Variants in AGAP1 observed in about 807,000 individuals in gnomAD.
AGAP1 encodes ArfGAP with GTPase domain, ankyrin repeat and PH domain 1, also known as arf-GAP with GTPase, ANK repeat and PH domain-containing protein 1.
AGAP1 carries 29 observed loss-of-function variants against 105.3 expected under a neutral mutation model. The ratio of observed to expected loss-of-function variants is 0.28; its 90% CI spans 0.21 to 0.38. AGAP1 has a LOEUF of 0.38. AGAP1 is among the 10% of genes least tolerant of loss of function. The probability of loss-of-function intolerance (pLI) is 1.00; values close to 1 mark genes in which losing one functional copy is unlikely to be tolerated. For synonymous variants in AGAP1, 509 were observed against 485.9 expected (o/e 1.05, Z -0.63); for missense variants, 998 against 1,165.1 (o/e 0.86, Z 2.09).
At chr2:235,840,261 C>G (rs140144874) in intron 9 of AGAP1, among the ~76,000 whole-genome samples, 1 of 149,376 alleles carries the variant, frequency 6.7e-6, no homozygotes, top group Admixed American at 6.7e-5. Context: ...CAGCCGCTGT[C>G]CATTCTGATG....
chr2:236,010,279 A>G (rs1576048483), intron 13 of AGAP1, among the ~76,000 whole-genome samples: 1 of 152,186 alleles, frequency 6.6e-6, no homozygotes, highest in Admixed American at 6.5e-5. Flanking sequence ...AAATGATTCC[A>G]GCTACTCTAA....
intron 1 of AGAP1, among the ~76,000 whole-genome samples, chr2:235,513,525 A>G (rs1192401631): frequency 8.0e-4 from 15 of 18,670 alleles, no homozygotes; most frequent in Admixed American, 2.2e-3. Context: ...CGTCTCAGAA[A>G]AAAAAAAAAA....
intron 9 of AGAP1, among the ~76,000 whole-genome samples, chr2:235,832,909 T>A (rs1033965733): frequency 2.6e-5 from 4 of 152,212 alleles, no homozygotes; most frequent in South Asian, 2.1e-4. Flanking sequence ...CCCTGCTTCA[T>A]GAGTGTACAA....
intron 16 of AGAP1, among the ~76,000 whole-genome samples, chr2:236,069,794 C>A (rs2058450511): frequency 6.6e-6 from 1 of 152,196 alleles, no homozygotes; most frequent in Non-Finnish European, 1.5e-5. Context: ...ATATTGTGTA[C>A]CCCAAATTGT....
At position 235,635,706 on chromosome 2, in the gene AGAP1, C is replaced by A. The variant is rs527448692; in HGVS notation, c.164-73473C>A. Among the ~76,000 whole-genome samples the A allele has an allele frequency of 4.6e-5, 7 of 152,174 alleles. No homozygotes were observed. Among genetic ancestry groups the A allele is most frequent in the African/African-American group, 1.7e-4 (7 of 41,538 alleles). On this transcript the variant is annotated intron_variant, in intron 1 of 17. Transcript: ENST00000304032. This position sits in a 1 kb window ranked among gnomAD's most constrained non-coding sequence, Gnocchi z 5.3. ...TGCACTGATGCTGTGCTATGAGGAG[C>A]CACGTTGCCCGGAAGTCTGATGCGT...
intron 9 of AGAP1, among the ~76,000 whole-genome samples, chr2:235,840,878 T>G (rs1485044758): frequency 6.6e-6 from 1 of 151,134 alleles, no homozygotes; most frequent in African/African-American, 2.4e-5. Context: ...AGGAATTTGG[T>G]GCAATGAGAG....
chr2:235,779,504 G>C (rs1244599851), intron 6 of AGAP1, among the ~76,000 whole-genome samples: 2 of 152,216 alleles, frequency 1.3e-5, no homozygotes, highest in Non-Finnish European at 2.9e-5. Context: ...GAATTTGTCA[G>C]AGCTCAGCTC....
chr2:236,102,950 C>T (rs2059395191), intron 16 of AGAP1, among the ~76,000 whole-genome samples: 1 of 152,098 alleles, frequency 6.6e-6, no homozygotes, highest in African/African-American at 2.4e-5. Flanking sequence ...TCTCCCACCG[C>T]AAGCCCCCGC....
chr2:235,987,087 T>C (rs2055342756), intron 13 of AGAP1, among the ~76,000 whole-genome samples: 1 of 151,690 alleles, frequency 6.6e-6, no homozygotes. Flanking sequence ...CAGCTGTGAA[T>C]CTGGTCCTGG....
chr2:235,880,197 A>G (rs560487044), intron 9 of AGAP1, among the ~76,000 whole-genome samples: 2 of 151,544 alleles, frequency 1.3e-5, no homozygotes, highest in South Asian at 4.2e-4. Flanking sequence ...TTTTTCCTTA[A>G]CAAATAAGTC....
At chr2:235,501,120 A>G (rs1941543603) in intron 1 of AGAP1, among the ~76,000 whole-genome samples, 1 of 152,130 alleles carries the variant, frequency 6.6e-6, no homozygotes, top group African/African-American at 2.4e-5. Context: ...AACCCCGAAC[A>G]TACATTCAGG....
chr2:235,813,951 A>T (rs1049371342), intron 9 of AGAP1, among the ~76,000 whole-genome samples: 1 of 152,016 alleles, frequency 6.6e-6, no homozygotes, highest in African/African-American at 2.4e-5. Flanking sequence ...CTCTCCTCCT[A>T]CCGCCCCCGG....
chr2:235,902,296 C>G (rs142190207), intron 10 of AGAP1, among the ~76,000 whole-genome samples: 67 of 152,290 alleles, frequency 4.4e-4, no homozygotes, highest in African/African-American at 1.6e-3. Flanking sequence ...CACCAAAACT[C>G]AACATGTGAT....
chr2:235,814,595 G>A (rs1489998984), intron 9 of AGAP1, among the ~76,000 whole-genome samples: 1 of 152,196 alleles, frequency 6.6e-6, no homozygotes, highest in Non-Finnish European at 1.5e-5. Flanking sequence ...CAGCTCAGGT[G>A]TGTACTGACG....
In AGAP1 at chr2:235,612,217, G is replaced by T. The variant is rs978492208; in HGVS notation, c.164-96962G>T. Among the ~76,000 whole-genome samples the T allele has an allele frequency of 6.6e-6, 1 of 152,154 alleles. No homozygotes were observed. Among genetic ancestry groups the T allele is most frequent in the Non-Finnish European group, 1.5e-5 (1 of 68,044 alleles). On this transcript the variant is annotated intron_variant, in intron 1 of 17. Coordinates refer to ENST00000304032, the MANE Select transcript of AGAP1 (RefSeq NM_001037131.3). The surrounding 1 kb of genome is among the most constrained non-coding windows in gnomAD (Gnocchi z 4.3). ...GCTTGGGTGTACGCTGGGCGGGTTC[G>T]CAGTGCTGGAAGAGAGAGTGGACAG...
rs1945527394 is a variant in AGAP1 at position 235,596,421 on chromosome 2, G to A, written c.163+101572G>A. ...AGACTTACTCCAGCTGCTTAACTCCGGTGTGCCTGGAGTCACCTTGGGACC... is the reference window on the plus strand; with the variant it reads ...AGACTTACTCCAGCTGCTTAACTCCAGTGTGCCTGGAGTCACCTTGGGACC... On this transcript the variant is annotated intron_variant, in intron 1 of 17. Transcript: ENST00000304032. The surrounding 1 kb of genome is among the most constrained non-coding windows in gnomAD (Gnocchi z 5.9). Among the ~76,000 whole-genome samples, 1 of 152,136 alleles carries A rather than the reference G, an allele frequency of 6.6e-6. No homozygotes were observed.
chr2:235,686,630 T>TAG (rs1949424115), intron 1 of AGAP1, among the ~76,000 whole-genome samples: 3 of 48,406 alleles, frequency 6.2e-5, no homozygotes, highest in South Asian at 1.3e-3. Context: ...GATATATATA[T>TAG]ATATATATAT....
intron 1 of AGAP1, among the ~76,000 whole-genome samples, chr2:235,679,904 CG>C (rs1458658280): frequency 6.6e-6 from 1 of 152,164 alleles, no homozygotes; most frequent in East Asian, 1.9e-4. Flanking sequence ...TGGTGAATTC[CG>C]TATTTTCAAA....
intron 9 of AGAP1, chr2:235,853,083 T>G: frequency 8.1e-7 from 1 of 1,233,372 alleles, no homozygotes; most frequent in Non-Finnish European, 1.0e-6. Context: ...AGGAAATCAA[T>G]GAGCGTTTAC....
Sources: gnomAD v4.1 joint callset for allele counts (sites outside exome capture counted in the v4.1 genomes callset) on GRCh38, gnomAD v4.1.1 for gene constraint, Gnocchi (gnomAD v3.1) non-coding constraint, MANE v1.5 for transcripts, NCBI Gene and HGNC (gene_info 2026-07-23, HGNC 2026-07-21) for gene names.